Variants in KAT14 observed in about 807,000 individuals in gnomAD.
KAT14 encodes the protein cysteine-rich protein 2-binding protein.
In KAT14, 66 loss-of-function variants were observed where a neutral mutation model predicts 78.4. That is an observed-to-expected ratio of 0.84 (90% confidence interval 0.69 to 1.03). The LOEUF (loss-of-function observed/expected upper bound fraction) is 1.03. Ranked by LOEUF, KAT14 falls within the 50% of genes least tolerant of loss-of-function variation. The pLI is 0.00. For synonymous variants in KAT14, 344 were observed against 359.4 expected (o/e 0.96, Z 0.48); for missense variants, 870 against 972.5 (o/e 0.89, Z 1.40).
intron 4 of KAT14, among the ~76,000 whole-genome samples, chr20:18,154,204 T>C (rs2038143907): frequency 6.6e-6 from 1 of 152,224 alleles, no homozygotes; most frequent in African/African-American, 2.4e-5. Flanking sequence ...AAGATTACCG[T>C]ACCCCAGAGA....
intron 2 of KAT14, among the ~76,000 whole-genome samples, chr20:18,143,876 C>T (rs1205215): frequency 0.29 from 44,351 of 151,716 alleles, 6,660 homozygotes; most frequent in East Asian, 0.4. Flanking sequence ...GTGATCCATC[C>T]GCCTCGGCCT....
In KAT14 at chr20:18,184,685, A is replaced by G. The variant is rs1220628191; in HGVS notation, c.2065A>G (p.Met689Val). Residue 689 changes from methionine (M) to valine (V), a missense_variant, in exon 10 of 11, where the codon ATG (methionine) becomes GTG (valine). Coordinates refer to ENST00000688188, the MANE Select transcript of KAT14 (RefSeq NM_001392073.1). Reference protein sequence around the residue: ...YKKVIIAFGFMVPDVKYNEAY... With the variant: ...YKKVIIAFGFVVPDVKYNEAY... ...AAAAGTCATCATTGCCTTTGGCTTCATGGTTCCTGATGTGAAATACAATGA... is the reference window on the plus strand; with the variant it reads ...AAAAGTCATCATTGCCTTTGGCTTCGTGGTTCCTGATGTGAAATACAATGA... 3.1e-6 allele frequency: 5 copies of G among 1,613,778 alleles called. No homozygotes were observed. The East Asian group carries it at 8.9e-5, about 29-fold the overall frequency.
At chr20:18,146,490 T>C (rs1384985489) in intron 3 of KAT14, among the ~76,000 whole-genome samples, 1 of 151,490 alleles carries the variant, frequency 6.6e-6, no homozygotes, top group Non-Finnish European at 1.5e-5. Context: ...AGAAACACCG[T>C]CTCTACTAAA....
At chr20:18,162,333 C>T (rs748543948) in intron 6 of KAT14, 44 bp from the exon 7 acceptor site, 2 of 1,602,322 alleles carry the variant, frequency 1.2e-6, no homozygotes, top group Non-Finnish European at 1.7e-6. Context: ...CTCTGCATTT[C>T]TTCCTTCCTA....
chr20:18,163,031 G>C, intron 7 of KAT14, 86 bp downstream of exon 7: 2 of 1,465,416 alleles, frequency 1.4e-6, no homozygotes. Context: ...TGGTTATGCT[G>C]TGACCTTTTA....
At chr20:18,170,197 C>A (rs2038796551) in intron 7 of KAT14, among the ~76,000 whole-genome samples, 1 of 152,170 alleles carries the variant, frequency 6.6e-6, no homozygotes, top group African/African-American at 2.4e-5. Flanking sequence ...ATGGAAGTGG[C>A]TACACTAAGC....
At chr20:18,165,855 A>G (rs2038619595) in intron 7 of KAT14, among the ~76,000 whole-genome samples, 1 of 152,170 alleles carries the variant, frequency 6.6e-6, no homozygotes, top group African/African-American at 2.4e-5. Flanking sequence ...AGCTTGCAGA[A>G]GGTCAAAGCA....
intron 1 of KAT14, among the ~76,000 whole-genome samples, chr20:18,139,079 G>A (rs1392873237): frequency 6.6e-6 from 1 of 152,210 alleles, no homozygotes; most frequent in Non-Finnish European, 1.5e-5. Flanking sequence ...GATATACAGA[G>A]ATGAAGTGGA....
Position 18,162,672 on chromosome 20 carries a change from C to T in KAT14, c.1395C>T (p.Tyr465=), listed in dbSNP as rs577238938. The T allele has an allele frequency of 1.7e-5, 28 of 1,614,066 alleles. No homozygotes were observed. Among genetic ancestry groups the T allele is most frequent in the South Asian group, 6.6e-5 (6 of 91,088 alleles). ...KEPRYTPVSI[Y]EEKLLLKRLE... is the part of the protein sequence containing the mutation. ...CCAGGTATACTCCCGTGAGCATCTACGAGGAAAAGCTGCTGCTCAAGAGGC... is the reference window on the plus strand; with the variant it reads ...CCAGGTATACTCCCGTGAGCATCTATGAGGAAAAGCTGCTGCTCAAGAGGC... Residue 465 remains tyrosine, a synonymous_variant, in exon 7 of 11, where the codon TAC becomes TAT. Coordinates refer to ENST00000688188, the MANE Select transcript of KAT14 (RefSeq NM_001392073.1).
At position 18,184,649 on chromosome 20, in the gene KAT14, G is replaced by T. The variant is rs2039392931; in HGVS notation, c.2029G>T (p.Val677Phe). The change falls in exon 10 of 11, where the codon GTT (valine) becomes TTT (phenylalanine). Residue 677 changes from valine (V) to phenylalanine (F), a missense_variant. Physicochemically the swap from Val to Phe is conservative, Grantham distance 50. Coordinates refer to ENST00000688188, the MANE Select transcript of KAT14 (RefSeq NM_001392073.1). ...CLQYPDFSVV[V>F]LYKKVIIAFG... ...GCAGTACCCAGACTTCAGTGTTGTTGTTCTTTATAAAAAAGTCATCATTGC... is the reference window on the plus strand; with the variant it reads ...GCAGTACCCAGACTTCAGTGTTGTTTTTCTTTATAAAAAAGTCATCATTGC... The T allele has an allele frequency of 6.2e-7, 1 of 1,613,646 alleles. No individual in the cohort carries two copies. The highest frequency in any genetic ancestry group is 8.5e-7 in the Non-Finnish European group (1 of 1,179,906).
At chr20:18,170,070 G>C (rs2146470563) in intron 7 of KAT14, among the ~76,000 whole-genome samples, 1 of 152,344 alleles carries the variant, frequency 6.6e-6, no homozygotes, top group Non-Finnish European at 1.5e-5. Context: ...TCAGAGGTTG[G>C]TTCATGAGGT....
At chr20:18,139,367 T>G (rs1229025573) in intron 1 of KAT14, among the ~76,000 whole-genome samples, 1 of 152,294 alleles carries the variant, frequency 6.6e-6, no homozygotes, top group East Asian at 1.9e-4. Flanking sequence ...GTCAGTGAAG[T>G]GATGTTTGAA....
Position 18,187,397 on chromosome 20 carries a change from A to G in KAT14, c.2284A>G (p.Lys762Glu). Reference sequence around the variant, plus strand: ...AGAATATGTATTAGATTTCTATGATAAATATTACCCATTGGAGAGTACAGA... The same window carrying G: ...AGAATATGTATTAGATTTCTATGATGAATATTACCCATTGGAGAGTACAGA... ...TEEYVLDFYD[K>E]YYPLESTECK... is the part of the protein sequence containing the mutation. Residue 762 changes from lysine (K) to glutamate (E), a missense_variant, in exon 11 of 11, where the codon AAA becomes GAA. Coordinates refer to ENST00000688188, the MANE Select transcript of KAT14 (RefSeq NM_001392073.1). The G allele has an allele frequency of 6.2e-7, 1 of 1,614,230 alleles. No homozygotes were observed. The highest frequency in any genetic ancestry group is 1.1e-5 in the South Asian group (1 of 91,068).
intron 7 of KAT14, among the ~76,000 whole-genome samples, chr20:18,174,822 C>T (rs984471453): frequency 6.6e-6 from 1 of 151,932 alleles, no homozygotes; most frequent in African/African-American, 2.4e-5. Context: ...CGCCACCACA[C>T]CCAGCTAATT....
chr20:18,180,788 TA>T lies in KAT14; in HGVS notation c.1669-921del, dbSNP rs535978513. Among the ~76,000 whole-genome samples the T allele has an allele frequency of 1.1e-4, 11 of 103,748 alleles. No individual in the cohort carries two copies. In the South Asian group the frequency reaches 3.0e-3, roughly 29 times the overall value. 68.1% of individuals were successfully genotyped at this position (103,748 alleles called of 152,430 possible). On this transcript the variant is annotated intron_variant, in intron 7 of 10. Transcript: ENST00000688188. ...ACAAAACATCGGACCTTGTGAGACTTATTCACTACGAGAACAGTATGGTGGA... is the reference window on the plus strand; with the variant it reads ...ACAAAACATCGGACCTTGTGAGACTTTTCACTACGAGAACAGTATGGTGGA...
chr20:18,141,051 TTA>T (rs2037553089), intron 1 of KAT14, among the ~76,000 whole-genome samples: 4 of 109,710 alleles, frequency 3.6e-5, no homozygotes, highest in African/African-American at 1.1e-4. Flanking sequence ...TTTTTTATTT[TTA>T]TTTTTGCTAG....
chr20:18,183,331 T>C (rs763617814), intron 9 of KAT14, 33 bp downstream of exon 9: 2 of 1,596,542 alleles, frequency 1.3e-6, no homozygotes, highest in East Asian at 4.5e-5. Context: ...GGCAGGTCAT[T>C]TTTCTGTACA....
intron 5 of KAT14, among the ~76,000 whole-genome samples, chr20:18,160,668 A>C (rs995128164): frequency 7.9e-5 from 12 of 152,066 alleles, no homozygotes; most frequent in Admixed American, 5.2e-4. Flanking sequence ...GCTGGTCTTG[A>C]ACTGTTGGGC....
intron 7 of KAT14, among the ~76,000 whole-genome samples, chr20:18,175,482 A>G (rs1403785354): frequency 4.0e-5 from 6 of 151,222 alleles, no homozygotes; most frequent in South Asian, 2.1e-4. Context: ...CTGCTGCCTC[A>G]CTCGTACCCA....
Sources: allele counts gnomAD v4.1 joint callset (sites outside exome capture counted in the v4.1 genomes callset), GRCh38; gene constraint gnomAD v4.1.1; transcripts MANE v1.5; gene names NCBI Gene and HGNC (gene_info 2026-07-23, HGNC 2026-07-21).